Variants in GABBR2 observed in about 807,000 individuals in gnomAD.
GABBR2 encodes the protein G-protein coupled receptor 51.
A neutral mutation model predicts 105.6 loss-of-function variants in GABBR2; 23 were observed. That is an observed-to-expected ratio of 0.22 (90% CI 0.16 to 0.31). The LOEUF (loss-of-function observed/expected upper bound fraction) is 0.31. GABBR2 is among the 10% of genes least tolerant of loss of function. The pLI, the probability that GABBR2 is intolerant of heterozygous loss-of-function variation, is 1.00. For synonymous variants in GABBR2, 478 were observed against 499.7 expected, an observed-to-expected ratio of 0.96 and a Z score of 0.58; for missense variants, 734 against 1,245.5, an observed-to-expected ratio of 0.59 and a Z score of 6.18.
At chr9:98,630,107 T>G (rs562563708) in intron 1 of GABBR2, among the ~76,000 whole-genome samples, 95 of 152,270 alleles carry the variant, frequency 6.2e-4, no homozygotes, top group African/African-American at 2.2e-3. Flanking sequence ...CATGAATTTC[T>G]GTATGGTTTA....
At chr9:98,500,118 C>G (rs10986439) in intron 3 of GABBR2, among the ~76,000 whole-genome samples, 7,664 of 152,330 alleles carry the variant, frequency 0.05, 317 homozygotes, top group East Asian at 0.15. Flanking sequence ...TTGCCATTAA[C>G]TACATTTCTG....
intron 3 of GABBR2, among the ~76,000 whole-genome samples, chr9:98,541,191 G>A (rs531111346): frequency 6.6e-6 from 1 of 152,220 alleles, no homozygotes; most frequent in South Asian, 2.1e-4. Flanking sequence ...AGTGAAAAAA[G>A]AAACATACAT....
At position 98,422,496 on chromosome 9, in the gene GABBR2, C is replaced by CTGTGTGTGTGTG. The variant is rs370880704; in HGVS notation, c.1237-16367_1237-16356dup. Among the ~76,000 whole-genome samples, 818 of 146,336 alleles carry CTGTGTGTGTGTG rather than the reference C, an allele frequency of 5.6e-3. 11 individuals are homozygous for CTGTGTGTGTGTG. The highest frequency in any genetic ancestry group is 0.019 in the African/African-American group (743 of 39,508). On this transcript the variant is annotated intron_variant, in intron 7 of 18. Coordinates refer to ENST00000259455, the MANE Select transcript of GABBR2 (RefSeq NM_005458.8). ...ACATTTAGAAGGCTGCTTAATGCAC[C>CTGTGTGTGTGTG]TGTGTGTGTGTGTGTGTGTGTGTGT...
At chr9:98,297,774 C>T (rs1366883561) in intron 17 of GABBR2, among the ~76,000 whole-genome samples, 1 of 150,226 alleles carries the variant, frequency 6.7e-6, no homozygotes, top group Non-Finnish European at 1.5e-5. Flanking sequence ...ATAATCCCAG[C>T]ACTTTGGGAG....
At chr9:98,427,292 G>A (rs1825710944) in intron 7 of GABBR2, among the ~76,000 whole-genome samples, 1 of 152,146 alleles carries the variant, frequency 6.6e-6, no homozygotes, top group South Asian at 2.1e-4. Flanking sequence ...GCCTGGGCTT[G>A]GGGGCGTCCT....
At chr9:98,649,716 A>G (rs939548213) in intron 1 of GABBR2, among the ~76,000 whole-genome samples, 8 of 152,184 alleles carry the variant, frequency 5.3e-5, no homozygotes, top group Non-Finnish European at 1.2e-4. Context: ...AGGTTGAGAA[A>G]AATAGGTATA....
chr9:98,315,245 T>C lies in GABBR2; in HGVS notation c.1894-4040A>G, dbSNP rs144220770. ...GCAGGAGGGTAGCAAACAAACACGA[T>C]GGGTCCACTGAGAGTTCATGGAAGT... On this transcript the variant is annotated intron_variant, in intron 13 of 18. Transcript: ENST00000259455. 5.7e-3 allele frequency among the ~76,000 whole-genome samples: 870 copies of C among 152,270 alleles called. 6 individuals carry two copies. The highest frequency in any genetic ancestry group is 8.4e-3 in the Non-Finnish European group (574 of 68,004).
At chr9:98,511,742 C>A (rs918153343) in intron 3 of GABBR2, among the ~76,000 whole-genome samples, 22 of 152,122 alleles carry the variant, frequency 1.4e-4, no homozygotes, top group Admixed American at 2.6e-4. Context: ...CAATAACAGG[C>A]TCTGAAATTG....
chr9:98,624,653 G>A (rs971652687), intron 1 of GABBR2, among the ~76,000 whole-genome samples: 12 of 151,894 alleles, frequency 7.9e-5, no homozygotes, highest in Admixed American at 5.2e-4. Context: ...GCTGCAGGCC[G>A]AGCAGACACC....
intron 1 of GABBR2, among the ~76,000 whole-genome samples, chr9:98,670,270 CA>C (rs35929348): frequency 4.3e-4 from 61 of 142,726 alleles, no homozygotes; most frequent in East Asian, 3.7e-3. Context: ...TTCGTCACCT[CA>C]AAAAAAAAAA....
intron 2 of GABBR2, among the ~76,000 whole-genome samples, chr9:98,566,005 C>T (rs1564116278): frequency 6.6e-6 from 1 of 152,194 alleles, no homozygotes; most frequent in Non-Finnish European, 1.5e-5. Context: ...GGCATCTTCC[C>T]AGTCTCACAC....
At chr9:98,545,705 C>T (rs569139838) in intron 2 of GABBR2, among the ~76,000 whole-genome samples, 3 of 152,216 alleles carry the variant, frequency 2.0e-5, no homozygotes, top group South Asian at 2.1e-4. Context: ...ACTGCAGCCC[C>T]GAAATAAGAT....
In GABBR2 at chr9:98,461,665, C is replaced by T. The variant is rs570726273; in HGVS notation, c.1000-7448G>A. On this transcript the variant is annotated intron_variant, in intron 6 of 18. Transcript: ENST00000259455. Reference sequence around the variant, plus strand: ...ACGAGCATGGGTGGGTGTATTAGGCCGTTCTTGCATTGCTATAAAGAAATA... The same window carrying T: ...ACGAGCATGGGTGGGTGTATTAGGCTGTTCTTGCATTGCTATAAAGAAATA... Among the ~76,000 whole-genome samples the T allele has an allele frequency of 5.3e-5, 8 of 152,154 alleles. No individual in the cohort carries two copies. The South Asian group carries it at 8.3e-4, about 16-fold the overall frequency.
chr9:98,607,282 G>A (rs1450649206), intron 1 of GABBR2: 52 of 942,184 alleles, frequency 5.5e-5, no homozygotes, highest in East Asian at 4.8e-5. Flanking sequence ...GTGAACGGAC[G>A]TCAGATGCCT....
chr9:98,377,927 G>T (rs1346863715), intron 11 of GABBR2, among the ~76,000 whole-genome samples: 2 of 152,128 alleles, frequency 1.3e-5, no homozygotes, highest in East Asian at 3.9e-4. Context: ...AAACCCTGTG[G>T]GTATCTCCTA....
intron 11 of GABBR2, among the ~76,000 whole-genome samples, chr9:98,381,837 T>C (rs1003096958): frequency 2.6e-5 from 4 of 152,156 alleles, no homozygotes; most frequent in African/African-American, 9.7e-5. Context: ...CAGGACAACC[T>C]TCCCCTCACA....
chr9:98,330,218 C>CTACCT (rs933341181), intron 13 of GABBR2, among the ~76,000 whole-genome samples: 2 of 152,208 alleles, frequency 1.3e-5, no homozygotes, highest in Non-Finnish European at 2.9e-5. Context: ...GGGGTTTCAT[C>CTACCT]TACCTGGAAT....
intron 2 of GABBR2, among the ~76,000 whole-genome samples, chr9:98,544,939 A>G (rs1828372421): frequency 6.6e-6 from 1 of 152,176 alleles, no homozygotes; most frequent in Admixed American, 6.5e-5. Flanking sequence ...ACAAGATTAA[A>G]AACACTGCAA....
At chr9:98,438,825 T>C (rs1212349836) in intron 7 of GABBR2, among the ~76,000 whole-genome samples, 1 of 152,204 alleles carries the variant, frequency 6.6e-6, no homozygotes, top group Non-Finnish European at 1.5e-5. Flanking sequence ...TACTGTTTGC[T>C]GCTTTGGTAA....
Sources: gnomAD v4.1 joint callset for allele counts (sites outside exome capture counted in the v4.1 genomes callset) on GRCh38, gnomAD v4.1.1 for gene constraint, MANE v1.5 for transcripts, NCBI Gene and HGNC (gene_info 2026-07-23, HGNC 2026-07-21) for gene names.